Variants in SLC31A1 observed in about 807,000 individuals in gnomAD.
SLC31A1 encodes the protein high affinity copper uptake protein 1.
Under a neutral mutation model 17.2 loss-of-function variants are expected in SLC31A1, and 5 were observed. That is an observed-to-expected ratio of 0.29 (90% CI 0.15 to 0.61). SLC31A1 has a LOEUF of 0.61. Among genes scored for constraint, SLC31A1 ranks in the 20% least tolerant of loss-of-function variants. SLC31A1 has a pLI of 0.86. For synonymous variants in SLC31A1, 76 were observed against 78.8 expected, an observed-to-expected ratio of 0.96 and a Z score of 0.19; for missense variants, 161 against 241.4, an observed-to-expected ratio of 0.67 and a Z score of 2.21.
intron 1 of SLC31A1, 30 bp downstream of exon 1, chr9:113,221,708 C>T (rs1338369438): frequency 2.1e-5 from 6 of 284,196 alleles, no homozygotes; most frequent in African/African-American, 1.3e-4. Flanking sequence ...CTCTTTCGCA[C>T]CCCTGTGCAT....
At chr9:113,260,075 C>A (rs1458005939) in intron 4 of SLC31A1, among the ~76,000 whole-genome samples, 197 bp from the exon 5 acceptor site, 4 of 152,232 alleles carry the variant, frequency 2.6e-5, no homozygotes, top group Non-Finnish European at 2.9e-5. Flanking sequence ...ACAGCCATAT[C>A]TGGCCAATGT....
intron 1 of SLC31A1, among the ~76,000 whole-genome samples, chr9:113,235,546 G>A (rs1587989238): frequency 6.6e-6 from 1 of 152,212 alleles, no homozygotes; most frequent in East Asian, 1.9e-4. Context: ...AAAGGACCCA[G>A]ACACAATAGT....
chr9:113,260,367 A>G lies in SLC31A1; in HGVS notation c.467A>G (p.Tyr156Cys). 1.9e-6 allele frequency: 3 copies of G among 1,614,210 alleles called. No homozygotes were observed. Among genetic ancestry groups the G allele is most frequent in the Non-Finnish European group, 2.5e-6 (3 of 1,180,028 alleles). The change falls in exon 5 of 5, where the codon TAC becomes TGC. Residue 156 changes from tyrosine to cysteine, a missense_variant. By Grantham distance (194) the Tyr-to-Cys change is radical. Transcript: ENST00000374212. ...TTCCTCATGCTCATCTTCATGACCT[A>G]CAACGGGTACCTCTGCATTGCAGTA... ...SYFLMLIFMT[Y>C]NGYLCIAVAA...
intron 1 of SLC31A1, among the ~76,000 whole-genome samples, chr9:113,222,302 A>C (rs1173110283): frequency 1.3e-5 from 2 of 152,150 alleles, no homozygotes; most frequent in Admixed American, 6.5e-5. Context: ...GATACTTTGG[A>C]GGCAGACACA....
At chr9:113,223,898 T>A (rs1171780343) in intron 1 of SLC31A1, among the ~76,000 whole-genome samples, 3 of 152,208 alleles carry the variant, frequency 2.0e-5, no homozygotes, top group African/African-American at 7.2e-5. Flanking sequence ...ATCTATAACA[T>A]TCCGTTCACT....
intron 1 of SLC31A1, among the ~76,000 whole-genome samples, chr9:113,240,096 C>A (rs956456531): frequency 6.6e-6 from 1 of 152,292 alleles, no homozygotes. Flanking sequence ...TTTCGCTTCC[C>A]ACCTGTCCTC....
chr9:113,224,303 A>AT (rs1162848892), intron 1 of SLC31A1, among the ~76,000 whole-genome samples: 1 of 152,216 alleles, frequency 6.6e-6, no homozygotes, highest in Non-Finnish European at 1.5e-5. Flanking sequence ...CATGGAATGA[A>AT]TACTTAAAGT....
intron 1 of SLC31A1, among the ~76,000 whole-genome samples, chr9:113,238,590 T>C (rs190036209): frequency 6.0e-4 from 91 of 152,254 alleles, no homozygotes; most frequent in Non-Finnish European, 9.3e-4. Flanking sequence ...GATGAAACCC[T>C]GTTTCTACTA....
rs1831812416 is a variant in SLC31A1, at chr9:113,263,072, T to C, written c.*2599T>C. 1 of 152,250 alleles carries C rather than the reference T, an allele frequency of 6.6e-6. No individual in the cohort carries two copies. The highest frequency in any genetic ancestry group is 2.4e-5 in the African/African-American group (1 of 41,426). 9.4% of individuals were successfully genotyped at this position (152,250 alleles called of 1,614,324 possible). On this transcript the variant is annotated 3_prime_UTR_variant, in exon 5 of 5. Transcript: ENST00000374212. ...TATTTGGGAGGCTGAGGCAGGAGGA[T>C]TGCTTTAGCCCTGGAGGTCGAGGCT... is the stretch of plus-strand genomic sequence containing the variant.
At chr9:113,257,344 AAC>A (rs1433259890) in intron 3 of SLC31A1, among the ~76,000 whole-genome samples, 159 bp downstream of exon 3, 1 of 152,100 alleles carries the variant, frequency 6.6e-6, no homozygotes, top group Non-Finnish European at 1.5e-5. Flanking sequence ...GAAGGTAGGA[AAC>A]ACAGTACTTT....
At chr9:113,231,993 T>C (rs1225747243) in intron 1 of SLC31A1, among the ~76,000 whole-genome samples, 1 of 152,216 alleles carries the variant, frequency 6.6e-6, no homozygotes, top group South Asian at 2.1e-4. Context: ...GTCCTACCTT[T>C]CCAAATGTTT....
intron 1 of SLC31A1, among the ~76,000 whole-genome samples, chr9:113,226,538 G>A (rs1450339955): frequency 6.6e-6 from 1 of 152,046 alleles, no homozygotes; most frequent in Non-Finnish European, 1.5e-5. Flanking sequence ...CCAAGCAGAG[G>A]AGGGGCCCAT....
At chr9:113,253,956 G>GTTTTTT (rs1279375325) in intron 1 of SLC31A1, among the ~76,000 whole-genome samples, 8 of 86,104 alleles carry the variant, frequency 9.3e-5, no homozygotes, top group African/African-American at 1.4e-4. Flanking sequence ...CCTACCCACA[G>GTTTTTT]TCTTTTTTTT....
intron 1 of SLC31A1, among the ~76,000 whole-genome samples, chr9:113,247,734 T>C (rs76609077): frequency 0.062 from 9,489 of 152,126 alleles, 653 homozygotes; most frequent in East Asian, 0.34. Context: ...CCATACTTAT[T>C]AAATGGGGGA....
chr9:113,260,171 TC>T, intron 4 of SLC31A1, 100 bp from the exon 5 acceptor site: 1 of 986,532 alleles, frequency 1.0e-6, no homozygotes, highest in Non-Finnish European at 1.6e-6. Flanking sequence ...AGAGTGGCTG[TC>T]CAGTTCCAGC....
In SLC31A1 at chr9:113,258,381, A is replaced by G. The variant is rs555660781; in HGVS notation, c.203-313A>G. ...ACTAAATTGTTTTATTCCCTGTTCCATATTCTACATTGTGTGTTTCAGTGT... is the reference window on the plus strand; with the variant it reads ...ACTAAATTGTTTTATTCCCTGTTCCGTATTCTACATTGTGTGTTTCAGTGT... On this transcript the variant is annotated intron_variant, in intron 3 of 4. Transcript: ENST00000374212. The surrounding 1 kb of genome is among the most constrained non-coding windows in gnomAD (Gnocchi z 4.8). Among the ~76,000 whole-genome samples the G allele has an allele frequency of 6.6e-6, 1 of 152,324 alleles. No homozygotes were observed. Among genetic ancestry groups the G allele is most frequent in the Non-Finnish European group, 1.5e-5 (1 of 68,038 alleles).
At chr9:113,225,798 G>T (rs1283581323) in intron 1 of SLC31A1, among the ~76,000 whole-genome samples, 1 of 151,994 alleles carries the variant, frequency 6.6e-6, no homozygotes, top group Non-Finnish European at 1.5e-5. Flanking sequence ...ATTCCTTTTT[G>T]CACCTTTCCC....
intron 1 of SLC31A1, among the ~76,000 whole-genome samples, chr9:113,243,383 TG>T (rs1488560959): frequency 1.3e-5 from 2 of 152,328 alleles, no homozygotes; most frequent in Non-Finnish European, 2.9e-5. Context: ...TAGCCTTCAA[TG>T]GCTGTATAAT....
chr9:113,251,890 C>T (rs1425829876), intron 1 of SLC31A1, among the ~76,000 whole-genome samples: 1 of 152,166 alleles, frequency 6.6e-6, no homozygotes, highest in African/African-American at 2.4e-5. Context: ...TTAATCTCCA[C>T]CGGCTTTGTA....
Sources: allele counts gnomAD v4.1 joint callset (sites outside exome capture counted in the v4.1 genomes callset), GRCh38; gene constraint gnomAD v4.1.1; non-coding constraint Gnocchi (gnomAD v3.1); transcripts MANE v1.5; gene names NCBI Gene and HGNC (gene_info 2026-07-23, HGNC 2026-07-21).